Variants in OTC observed in about 807,000 individuals in gnomAD.
OTC encodes the protein ornithine transcarbamylase, mitochondrial.
OTC carries 3 observed loss-of-function variants against 30.3 expected under a neutral mutation model. That is an observed-to-expected ratio of 0.10 (90% CI 0.05 to 0.26). The LOEUF (loss-of-function observed/expected upper bound fraction) is 0.26. Ranked by LOEUF, OTC falls within the 10% of genes least tolerant of loss-of-function variation. The pLI is 1.00. For missense variants in OTC, 194 were observed against 260.3 expected (o/e 0.75, Z 1.75); for synonymous variants, 111 against 99.7 (o/e 1.11, Z -0.67).
rs184263485 is a variant in OTC, at chrX:38,372,618, C to T, written c.298+2741C>T. 1.1e-4 allele frequency among the ~76,000 whole-genome samples: 12 copies of T among 112,268 alleles called. No individual in the cohort carries two copies. In the East Asian group the frequency reaches 3.3e-3, roughly 31 times the overall value. ...AGCAAGGAGAGTATGACTGTTAAAACTTATAGTTCATGGAGCATTTGTCAT... is the reference window on the plus strand; with the variant it reads ...AGCAAGGAGAGTATGACTGTTAAAATTTATAGTTCATGGAGCATTTGTCAT... On this transcript the variant is annotated intron_variant, in intron 3 of 9. Transcript: ENST00000039007.
intron 3 of OTC, among the ~76,000 whole-genome samples, chrX:38,376,635 G>C (rs1484978593): frequency 8.9e-6 from 1 of 111,985 alleles, no homozygotes; most frequent in Non-Finnish European, 1.9e-5. Flanking sequence ...TGATAATGAA[G>C]GGATGGCAAA....
Position 38,421,009 on chromosome X carries a change from T to C in OTC, c.1006-14T>C, listed in dbSNP as rs188215770. The C allele has an allele frequency of 1.1e-4, 133 of 1,180,791 alleles. 1 individual carries two copies. Among genetic ancestry groups the C allele is most frequent in the Admixed American group, 2.2e-4 (10 of 45,688 alleles). On this transcript the variant is annotated splice_polypyrimidine_tract_variant and intron_variant, in intron 9 of 9. Transcript: ENST00000039007. ...ATGTTTATCCATTTCTTTCTTTCTT[T>C]GTTGTGTCATCAGGCTGTCATGGTG...
chrX:38,346,298 C>G, the OTC span, among the ~76,000 whole-genome samples: 1 of 111,621 alleles, frequency 9.0e-6, no homozygotes, highest in Non-Finnish European at 1.9e-5. Context: ...ATTTGCAATA[C>G]CAAATGCTGG....
the OTC span, among the ~76,000 whole-genome samples, chrX:38,340,564 A>G: frequency 9.5e-6 from 1 of 105,402 alleles, no homozygotes; most frequent in Non-Finnish European, 1.9e-5. Flanking sequence ...AATTAGGTAG[A>G]AGGCAAAAAT....
At chrX:38,396,549 G>C (rs753504421) in intron 4 of OTC, among the ~76,000 whole-genome samples, 9 of 111,167 alleles carry the variant, frequency 8.1e-5, no homozygotes, top group Non-Finnish European at 1.7e-4. Flanking sequence ...TGAGACGGGT[G>C]ATCACCTGAG....
chrX:38,380,936 C>T (rs1413318314), intron 3 of OTC, among the ~76,000 whole-genome samples: 2 of 111,478 alleles, frequency 1.8e-5, no homozygotes, highest in Admixed American at 9.5e-5. Flanking sequence ...GCCATGTTGG[C>T]CAGGCTGGTC....
rs1057515879 is a variant in OTC at position 38,352,772 on chromosome X, C to T, written c.76C>T (p.Arg26Trp). Residue 26 changes from arginine to tryptophan, a missense_variant and splice_region_variant, in exon 1 of 10, where the codon CGG (arginine) becomes TGG (tryptophan). Transcript: ENST00000039007. ...NGHNFMVRNF[R>W]CGQPLQNKVQ... ...TCACAACTTCATGGTTCGAAATTTT[C>T]GGTAAGTGATGGTCAGAGACTTGGG... The T allele has an allele frequency of 2.6e-5, 31 of 1,187,958 alleles. No homozygotes were observed. The Middle Eastern group carries it at 9.3e-4, about 36-fold the overall frequency.
At chrX:38,397,276 C>T (rs73632479) in intron 4 of OTC, among the ~76,000 whole-genome samples, 3,252 of 111,575 alleles carry the variant, frequency 0.029, 125 homozygotes, top group African/African-American at 0.1. Flanking sequence ...TTTATTACTA[C>T]AAATGATCAC....
At chrX:38,420,070 A>G (rs1184761983) in intron 9 of OTC, among the ~76,000 whole-genome samples, 1 of 111,602 alleles carries the variant, frequency 9.0e-6, no homozygotes, top group Admixed American at 9.6e-5. Flanking sequence ...GCTTGATTTA[A>G]TCATTGCACA....
intron 2 of OTC, among the ~76,000 whole-genome samples, chrX:38,369,143 A>C (rs113058373): frequency 1.9e-3 from 214 of 110,843 alleles, no homozygotes; most frequent in African/African-American, 6.6e-3. Context: ...CAAACCAAAC[A>C]CCTTCGAGGT....
At chrX:38,354,723 A>G (rs1284678890) in intron 1 of OTC, among the ~76,000 whole-genome samples, 3 of 111,095 alleles carry the variant, frequency 2.7e-5, no homozygotes, top group Non-Finnish European at 5.7e-5. Context: ...GTTGTTAGAA[A>G]CTCAATAGTG....
intron 3 of OTC, among the ~76,000 whole-genome samples, chrX:38,371,181 A>T (rs1221713187): frequency 9.0e-6 from 1 of 111,689 alleles, no homozygotes; most frequent in African/African-American, 3.3e-5. Flanking sequence ...TTCAGTTCCC[A>T]GTATTGGAGG....
the OTC span, among the ~76,000 whole-genome samples, chrX:38,339,934 G>A: frequency 9.0e-6 from 1 of 111,586 alleles, no homozygotes; most frequent in African/African-American, 3.3e-5. Flanking sequence ...AATTGGTATT[G>A]ATGAAAAGAG....
At chrX:38,422,224 C>G (rs2068599334), downstream of OTC, among the ~76,000 whole-genome samples, 1 of 111,425 alleles carries the variant, frequency 9.0e-6, no homozygotes, top group Non-Finnish European at 1.9e-5. Flanking sequence ...AATGAGTAAG[C>G]AAGGGATGAA....
At chrX:38,400,667 G>T (rs976139319) in intron 4 of OTC, among the ~76,000 whole-genome samples, 10 of 112,206 alleles carry the variant, frequency 8.9e-5, no homozygotes, top group Non-Finnish European at 1.7e-4. Context: ...TCCCTGTCAC[G>T]CAGGAATGGC....
At chrX:38,405,115 G>T (rs891932690) in intron 6 of OTC, among the ~76,000 whole-genome samples, 1 of 110,979 alleles carries the variant, frequency 9.0e-6, no homozygotes, top group African/African-American at 3.3e-5. Flanking sequence ...CTGGGGAAGG[G>T]AGCAGAAGCC....
At chrX:38,379,844 T>G (rs1368352277) in intron 3 of OTC, among the ~76,000 whole-genome samples, 1 of 111,122 alleles carries the variant, frequency 9.0e-6, no homozygotes, top group African/African-American at 3.3e-5. Flanking sequence ...TTAGCCAGGA[T>G]GGTCTCGATT....
chrX:38,376,421 C>T (rs958877123), intron 3 of OTC, among the ~76,000 whole-genome samples: 3 of 111,496 alleles, frequency 2.7e-5, no homozygotes, highest in South Asian at 7.5e-4. Flanking sequence ...TTCTAGTGCA[C>T]GAGTGAAGGC....
At chrX:38,369,233 A>G (rs1270411259) in intron 2 of OTC, among the ~76,000 whole-genome samples, 2 of 112,091 alleles carry the variant, frequency 1.8e-5, no homozygotes, top group African/African-American at 6.5e-5. Context: ...ATTTTGGAAA[A>G]AATTCACATG....
Sources: allele counts gnomAD v4.1 joint callset (sites outside exome capture counted in the v4.1 genomes callset), GRCh38; gene constraint gnomAD v4.1.1; transcripts MANE v1.5; gene names NCBI Gene and HGNC (gene_info 2026-07-23, HGNC 2026-07-21).